DCUN1D3: variants seen among roughly 807,000 people sequenced by gnomAD.
DCUN1D3 encodes the protein defective in cullin neddylation 1 domain containing 3.
In DCUN1D3, 6 loss-of-function variants were observed where a neutral mutation model predicts 24.8. That is an observed-to-expected ratio of 0.24 (90% CI 0.13 to 0.48). The LOEUF is 0.48. DCUN1D3 is among the 20% of genes least tolerant of loss of function. The pLI, the probability that DCUN1D3 is intolerant of heterozygous loss-of-function variation, is 0.99. For synonymous variants in DCUN1D3, 120 were observed against 144.9 expected, an observed-to-expected ratio of 0.83 and a Z score of 1.24; for missense variants, 258 against 379.4, an observed-to-expected ratio of 0.68 and a Z score of 2.66.
chr16:20,856,987 T>G lies in DCUN1D3; in HGVS notation c.*2899A>C, dbSNP rs904943141. 1 of 152,200 alleles carries G rather than the reference T, an allele frequency of 6.6e-6. No homozygotes were observed. The highest frequency in any genetic ancestry group is 1.5e-5 in the Non-Finnish European group (1 of 68,030). 9.4% of individuals were successfully genotyped at this position (152,200 alleles called of 1,614,324 possible). A position where few individuals can be genotyped will look rare whatever the true frequency, so the allele number is the denominator to read the frequency against. On this transcript the variant is annotated 3_prime_UTR_variant, in exon 3 of 3. Coordinates refer to ENST00000324344, the MANE Select transcript of DCUN1D3 (RefSeq NM_173475.4). ...TACTGGCTTATCTGAGGGGCATGCATTCAGCCTCTTACACAGACTTACTGC... is the reference window on the plus strand; with the variant it reads ...TACTGGCTTATCTGAGGGGCATGCAGTCAGCCTCTTACACAGACTTACTGC...
intron 1 of DCUN1D3, among the ~76,000 whole-genome samples, chr16:20,879,815 C>T (rs899655463): frequency 4.6e-5 from 7 of 152,188 alleles, no homozygotes; most frequent in African/African-American, 1.7e-4. Context: ...CCTATTCACC[C>T]AGGTTATGAC....
At chr16:20,882,017 G>C (rs1196322999) in intron 1 of DCUN1D3, among the ~76,000 whole-genome samples, 1 of 151,940 alleles carries the variant, frequency 6.6e-6, no homozygotes, top group Non-Finnish European at 1.5e-5. Flanking sequence ...TGGTCAGGCT[G>C]GTCTCAAACT....
chr16:20,861,736 A>G (rs976346109), intron 2 of DCUN1D3, among the ~76,000 whole-genome samples: 1 of 149,874 alleles, frequency 6.7e-6, no homozygotes, highest in Non-Finnish European at 1.5e-5. Flanking sequence ...AATTAGGCAA[A>G]GGCGTTATTC....
chr16:20,862,367 T>C lies in DCUN1D3; in HGVS notation c.172A>G (p.Lys58Glu). The change falls in exon 2 of 3, where the codon AAG becomes GAG. Residue 58 changes from lysine to glutamate, a missense_variant. Lys to Glu is a moderately conservative substitution (Grantham distance 56). Coordinates refer to ENST00000324344, the MANE Select transcript of DCUN1D3 (RefSeq NM_173475.4). ...CAGGCCTCAGTGGCAGCCTCGGCCT[T>C]CTTGGTCCCGTTGACGAGGATATCT... ...GGDILVNGTK[K>E]AEAATEACQL... 1.9e-6 allele frequency: 3 copies of C among 1,614,138 alleles called. No homozygotes were observed. Among genetic ancestry groups the C allele is most frequent in the Non-Finnish European group, 2.5e-6 (3 of 1,180,024 alleles).
intron 1 of DCUN1D3, among the ~76,000 whole-genome samples, chr16:20,895,127 G>T (rs1191435573): frequency 1.3e-5 from 2 of 152,174 alleles, no homozygotes; most frequent in African/African-American, 4.8e-5. Flanking sequence ...ATGGGGTCTT[G>T]CTCTGTCACC....
In DCUN1D3 at chr16:20,900,299, C is replaced by T. The variant is rs867921015; in HGVS notation, c.-201G>A. The T allele has an allele frequency of 2.0e-5, 3 of 152,046 alleles. No individual in the cohort carries two copies. The highest frequency in any genetic ancestry group is 7.3e-5 in the African/African-American group (3 of 41,324). 9.4% of individuals were successfully genotyped at this position (152,046 alleles called of 1,614,324 possible). A position where few individuals can be genotyped will look rare whatever the true frequency, so the allele number is the denominator to read the frequency against. On this transcript the variant is annotated 5_prime_UTR_variant, in exon 1 of 3. Coordinates refer to ENST00000324344, the MANE Select transcript of DCUN1D3 (RefSeq NM_173475.4). ...TACCATCCCCGCTCGCGTTTCCAGG[C>T]TCCCTACCCCCGCCGCCGCCGCCTC... is the stretch of plus-strand genomic sequence containing the variant.
intron 1 of DCUN1D3, among the ~76,000 whole-genome samples, chr16:20,865,817 T>C (rs1432248620): frequency 6.6e-6 from 1 of 152,222 alleles, no homozygotes; most frequent in African/African-American, 2.4e-5. Flanking sequence ...TCAAGAGGAA[T>C]TCTCTCTGAG....
rs191377885 is a variant in DCUN1D3 at position 20,855,232 on chromosome 16, A to G, written c.*4654T>C. On this transcript the variant is annotated 3_prime_UTR_variant, in exon 3 of 3. Transcript: ENST00000324344. ...AAGGCAGGGTATATCTGTGGGACCA[A>G]TTCATCCAAGCCCCATGTGCCTATT... is the stretch of plus-strand genomic sequence containing the variant. The G allele has an allele frequency of 1.4e-4, 22 of 152,350 alleles. No individual in the cohort carries two copies. Among genetic ancestry groups the G allele is most frequent in the African/African-American group, 5.1e-4 (21 of 41,570 alleles). 9.4% of individuals were successfully genotyped at this position (152,350 alleles called of 1,614,324 possible).
intron 1 of DCUN1D3, among the ~76,000 whole-genome samples, chr16:20,893,174 T>A (rs2081899777): frequency 6.9e-6 from 1 of 145,964 alleles, no homozygotes; most frequent in Non-Finnish European, 1.5e-5. Flanking sequence ...TTACTCATCT[T>A]TTTTTTTTTT....
chr16:20,886,907 A>G (rs2081870202), intron 1 of DCUN1D3, among the ~76,000 whole-genome samples: 1 of 152,244 alleles, frequency 6.6e-6, no homozygotes, highest in Non-Finnish European at 1.5e-5. Context: ...TCTGGAAACT[A>G]AATTGGTTGC....
At chr16:20,898,784 AAC>A (rs1380368943) in intron 1 of DCUN1D3, among the ~76,000 whole-genome samples, 1 of 152,240 alleles carries the variant, frequency 6.6e-6, no homozygotes, top group Non-Finnish European at 1.5e-5. Context: ...TTCTTCAGAA[AAC>A]AGTTTCAGAT....
intron 1 of DCUN1D3, among the ~76,000 whole-genome samples, chr16:20,898,902 A>T (rs1163275681): frequency 6.6e-6 from 1 of 152,206 alleles, no homozygotes; most frequent in Non-Finnish European, 1.5e-5. Flanking sequence ...GATTTTTTTT[A>T]AACCAACAGC....
At chr16:20,896,572 A>G (rs2081916980) in intron 1 of DCUN1D3, among the ~76,000 whole-genome samples, 1 of 151,988 alleles carries the variant, frequency 6.6e-6, no homozygotes, top group Non-Finnish European at 1.5e-5. Context: ...ATTAGAAAAG[A>G]GCCACCAGTC....
At chr16:20,873,622 C>T (rs2081800328) in intron 1 of DCUN1D3, among the ~76,000 whole-genome samples, 1 of 152,208 alleles carries the variant, frequency 6.6e-6, no homozygotes, top group South Asian at 2.1e-4. Flanking sequence ...CCAATTTTCA[C>T]CAGCAGATCC....
Position 20,862,547 on chromosome 16 carries a change from T to C in DCUN1D3, c.-9A>G, listed in dbSNP as rs760300262. The C allele has an allele frequency of 1.3e-6, 2 of 1,595,668 alleles. No individual in the cohort carries two copies. The highest frequency in any genetic ancestry group is 8.5e-7 in the Non-Finnish European group (1 of 1,176,722). On this transcript the variant is annotated 5_prime_UTR_variant, in exon 2 of 3. Coordinates refer to ENST00000324344, the MANE Select transcript of DCUN1D3 (RefSeq NM_173475.4). ...GTGACACACTGGCCCATGGTGCTGG[T>C]GGCCTGGCCTCTAGAGTGGACCCCT...
chr16:20,862,657 A>G lies in DCUN1D3; in HGVS notation c.-105-14T>C. The G allele has an allele frequency of 6.6e-7, 1 of 1,514,326 alleles. No individual in the cohort carries two copies. The highest frequency in any genetic ancestry group is 1.3e-5 in the South Asian group (1 of 75,148). The allele number at this position is 1,514,326 out of a possible 1,614,324, so 93.8% of individuals were successfully genotyped here. ...GAGCCAGCCAACCTGGAAGGAAATT[A>G]GAAAGCCATCACCTCTGGGTGGGGG... On this transcript the variant is annotated splice_polypyrimidine_tract_variant and intron_variant, in intron 1 of 2. Coordinates refer to ENST00000324344, the MANE Select transcript of DCUN1D3 (RefSeq NM_173475.4).
chr16:20,862,546 G>C lies in DCUN1D3; in HGVS notation c.-8C>G. The C allele has an allele frequency of 6.3e-7, 1 of 1,596,632 alleles. No homozygotes were observed. Among genetic ancestry groups the C allele is most frequent in the Non-Finnish European group, 8.5e-7 (1 of 1,177,168 alleles). On this transcript the variant is annotated 5_prime_UTR_variant, in exon 2 of 3. Coordinates refer to ENST00000324344, the MANE Select transcript of DCUN1D3 (RefSeq NM_173475.4). ...GGTGACACACTGGCCCATGGTGCTGGTGGCCTGGCCTCTAGAGTGGACCCC... is the reference window on the plus strand; with the variant it reads ...GGTGACACACTGGCCCATGGTGCTGCTGGCCTGGCCTCTAGAGTGGACCCC...
intron 1 of DCUN1D3, among the ~76,000 whole-genome samples, chr16:20,897,573 C>T (rs1183297578): frequency 1.3e-5 from 2 of 152,198 alleles, no homozygotes; most frequent in Non-Finnish European, 2.9e-5. Context: ...AACTTAGATC[C>T]TGATGGTCAT....
chr16:20,894,920 T>C (rs2081908641), intron 1 of DCUN1D3, among the ~76,000 whole-genome samples: 1 of 152,182 alleles, frequency 6.6e-6, no homozygotes, highest in South Asian at 2.1e-4. Flanking sequence ...TCCAATCTTT[T>C]CTTTCATTTT....
Sources: allele counts gnomAD v4.1 joint callset (sites outside exome capture counted in the v4.1 genomes callset), GRCh38; gene constraint gnomAD v4.1.1; transcripts MANE v1.5; gene names NCBI Gene and HGNC (gene_info 2026-07-23, HGNC 2026-07-21).